NAV3: variants seen among roughly 807,000 people sequenced by gnomAD.
NAV3 encodes the protein pore membrane and/or filament interacting like protein 1.
NAV3 carries 87 observed loss-of-function variants against 244.7 expected under a neutral mutation model. The ratio of observed to expected loss-of-function variants is 0.36; its 90% CI spans 0.30 to 0.42. The LOEUF (loss-of-function observed/expected upper bound fraction) is 0.42, where lower values mean the gene tolerates loss of function less well. Ranked by LOEUF, NAV3 falls within the 20% of genes least tolerant of loss-of-function variation. The pLI is 1.00. For synonymous variants in NAV3, 1,126 were observed against 1,042.2 expected (o/e 1.08, Z -1.55); for missense variants, 2,663 against 2,893.3 (o/e 0.92, Z 1.83).
intron 2 of NAV3, among the ~76,000 whole-genome samples, chr12:77,641,038 C>T (rs970824968): frequency 2.0e-5 from 3 of 152,112 alleles, no homozygotes; most frequent in Non-Finnish European, 4.4e-5. Context: ...GAGAGGATTA[C>T]TTATTTCAAG....
chr12:77,829,013 T>G (rs1217415192), upstream of NAV3, among the ~76,000 whole-genome samples: 1 of 152,214 alleles, frequency 6.6e-6, no homozygotes, highest in African/African-American at 2.4e-5. Flanking sequence ...ATTATAACCT[T>G]GGGTGGGCAA....
chr12:78,082,165 C>T (rs1953388973), intron 12 of NAV3, among the ~76,000 whole-genome samples: 2 of 152,166 alleles, frequency 1.3e-5, no homozygotes, highest in South Asian at 4.1e-4. Context: ...CTTTGCTCCT[C>T]CTTGCTTTCT....
At position 77,668,787 on chromosome 12, in the gene NAV3, A is replaced by T. The variant is rs1354145128; in HGVS notation, c.72+96521A>T. On this transcript the variant is annotated intron_variant, in intron 2 of 8. Coordinates refer to the NAV3 transcript ENST00000550042. ...AGAGATCTAGATGTCCAGTACAAGA[A>T]GCTCAAAGAACCACCTGGGAAATTC... Among the ~76,000 whole-genome samples the T allele has an allele frequency of 2.0e-5, 3 of 152,190 alleles. 1 individual carries two copies. Among genetic ancestry groups the T allele is most frequent in the Non-Finnish European group, 4.4e-5 (3 of 68,032 alleles).
At chr12:77,592,673 C>A (rs1396972078) in intron 2 of NAV3, among the ~76,000 whole-genome samples, 1 of 152,172 alleles carries the variant, frequency 6.6e-6, no homozygotes, top group Non-Finnish European at 1.5e-5. Flanking sequence ...AGTGCTCCTG[C>A]ATGTGTTGTA....
At chr12:78,166,450 A>G (rs1039959205) in intron 23 of NAV3, among the ~76,000 whole-genome samples, 1 of 151,796 alleles carries the variant, frequency 6.6e-6, no homozygotes. Flanking sequence ...GGAATATTTT[A>G]TAGGTGTTTG....
At chr12:78,165,960 C>A (rs111790880) in intron 23 of NAV3, among the ~76,000 whole-genome samples, 9 of 113,906 alleles carry the variant, frequency 7.9e-5, no homozygotes, top group Admixed American at 5.0e-4. Flanking sequence ...TGATCAGACA[C>A]CCTCCTGCAA....
intron 1 of NAV3, among the ~76,000 whole-genome samples, chr12:77,933,231 T>C (rs2137351944): frequency 6.6e-6 from 1 of 152,318 alleles, no homozygotes; most frequent in East Asian, 1.9e-4. Flanking sequence ...TAGAATAGTA[T>C]AATGCTTAGC....
intron 16 of NAV3, among the ~76,000 whole-genome samples, chr12:78,122,926 A>G (rs987977574): frequency 7.3e-6 from 1 of 136,382 alleles, no homozygotes. Flanking sequence ...AAAAAAAAAA[A>G]ATCAATTGTC....
chr12:77,591,518 A>G (rs1368733487), intron 2 of NAV3, among the ~76,000 whole-genome samples: 1 of 152,230 alleles, frequency 6.6e-6, no homozygotes. Flanking sequence ...AGAAGCTTGT[A>G]GTTGGAGAAT....
At chr12:77,573,102 G>T (rs1317146357) in intron 2 of NAV3, among the ~76,000 whole-genome samples, 2 of 152,172 alleles carry the variant, frequency 1.3e-5, no homozygotes, top group Non-Finnish European at 2.9e-5. Context: ...TAGCGATGGT[G>T]CTGGCAAGAA....
intron 39 of NAV3, among the ~76,000 whole-genome samples, chr12:78,207,812 A>G (rs1221790545): frequency 2.0e-5 from 3 of 152,172 alleles, no homozygotes; most frequent in Non-Finnish European, 2.9e-5. Flanking sequence ...AGAACTGTCA[A>G]AGGTGTTTGA....
Position 77,577,522 on chromosome 12 carries a change from TCTAGA to T in NAV3, c.72+5265_72+5269del, listed in dbSNP as rs543771551. 4.1e-3 allele frequency among the ~76,000 whole-genome samples: 624 copies of T among 152,272 alleles called. 6 individuals carry two copies. Among genetic ancestry groups the T allele is most frequent in the African/African-American group, 0.014 (597 of 41,572 alleles). The stretch of plus-strand genomic sequence containing the variant: ...ATACTTTATGGTTCCACCATTTTGT[TCTAGA>T]CTAGACTATGTGCTTTCTCCTGATT... On this transcript the variant is annotated intron_variant, in intron 2 of 8. Transcript: ENST00000550042.
intron 2 of NAV3, among the ~76,000 whole-genome samples, chr12:77,782,395 A>T (rs1870710751): frequency 6.7e-6 from 1 of 149,496 alleles, no homozygotes; most frequent in Admixed American, 6.8e-5. Context: ...CATTTCTTTT[A>T]AAAAATTAAA....
rs188233903 is a variant in NAV3 at position 77,743,262 on chromosome 12, C to T, written c.72+170996C>T. Among the ~76,000 whole-genome samples, 29 of 151,852 alleles carry T rather than the reference C, an allele frequency of 1.9e-4. 1 individual carries two copies. The highest frequency in any genetic ancestry group is 8.3e-4 in the South Asian group (4 of 4,810). ...AACATACGAAATATGTGTTGAATGA[C>T]GGTTTATATTATTGGTAAGTTTCTA... On this transcript the variant is annotated intron_variant, in intron 2 of 8. Coordinates refer to the NAV3 transcript ENST00000550042.
intron 39 of NAV3, among the ~76,000 whole-genome samples, chr12:78,205,351 A>G (rs570173833): frequency 6.6e-6 from 1 of 152,284 alleles, no homozygotes; most frequent in African/African-American, 2.4e-5. Context: ...TGCTACAACC[A>G]GAATGAACTC....
At chr12:78,102,656 A>G (rs1954594117) in intron 12 of NAV3, among the ~76,000 whole-genome samples, 1 of 152,228 alleles carries the variant, frequency 6.6e-6, no homozygotes, top group Non-Finnish European at 1.5e-5. Context: ...CCCCTGCAGA[A>G]AACTCTTTCC....
intron 5 of NAV3, among the ~76,000 whole-genome samples, chr12:77,973,865 AG>A (rs1278451449): frequency 6.6e-6 from 1 of 152,170 alleles, no homozygotes; most frequent in African/African-American, 2.4e-5. Context: ...TTAAAAAAAA[AG>A]TCAGTTAATC....
At chr12:77,845,191 C>T (rs1876406105) in intron 1 of NAV3, among the ~76,000 whole-genome samples, 1 of 152,072 alleles carries the variant, frequency 6.6e-6, no homozygotes, top group South Asian at 2.1e-4. Flanking sequence ...TAAAAGGAAT[C>T]TTGTGGAATA....
chr12:78,188,282 T>C lies in NAV3; in HGVS notation c.5825T>C (p.Ile1942Thr), dbSNP rs754144363. Reference protein sequence around the residue: ...QKSQAYLIGSIGVSGKTKWDV... With the variant: ...QKSQAYLIGSTGVSGKTKWDV... ...TCTCAGGCATATTTGATAGGATCCA[T>C]TGGTGTTAGTGGAAAAACCAAGTGG... Residue 1942 changes from isoleucine (I) to threonine (T), a missense_variant, in exon 32 of 40, where the codon ATT (isoleucine) becomes ACT (threonine). Coordinates refer to ENST00000397909, the MANE Select transcript of NAV3 (RefSeq NM_001024383.2). 6.2e-7 allele frequency: 1 copy of C among 1,611,624 alleles called. No individual in the cohort carries two copies. The highest frequency in any genetic ancestry group is 8.5e-7 in the Non-Finnish European group (1 of 1,178,334).
Sources: allele counts gnomAD v4.1 joint callset (sites outside exome capture counted in the v4.1 genomes callset), GRCh38; gene constraint gnomAD v4.1.1; transcripts MANE v1.5; gene names NCBI Gene and HGNC (gene_info 2026-07-23, HGNC 2026-07-21).